Variants in AKR1A1 observed in about 807,000 individuals in gnomAD.
AKR1A1 encodes HEL-S-165mP.
In AKR1A1, 26 loss-of-function variants were observed where a neutral mutation model predicts 39.2. The observed-to-expected ratio is 0.66, with a 90% CI of 0.49 to 0.92. AKR1A1 has a LOEUF of 0.92. Ranked by LOEUF, AKR1A1 falls within the 40% of genes least tolerant of loss-of-function variation. The pLI is 0.00. For missense variants in AKR1A1, 378 were observed against 406.5 expected, an observed-to-expected ratio of 0.93 and a Z score of 0.60; for synonymous variants, 141 against 155.5, an observed-to-expected ratio of 0.91 and a Z score of 0.69.
rs1006434281 is a variant in AKR1A1 at position 45,563,680 on chromosome 1, T to A, written c.84+1802T>A. Among the ~76,000 whole-genome samples the A allele has an allele frequency of 9.2e-5, 14 of 152,070 alleles. No homozygotes were observed. In the East Asian group the frequency reaches 2.1e-3, roughly 23 times the overall value. ...GGTGCATGCCTGTAATCCCAGCTAC[T>A]CAGGAGTCTGAGGCAGGAGAATCAC... On this transcript the variant is annotated intron_variant, in intron 2 of 8. Transcript: ENST00000351829.
intron 1 of AKR1A1, among the ~76,000 whole-genome samples, chr1:45,556,276 C>T (rs1190542551): frequency 6.6e-6 from 1 of 152,178 alleles, no homozygotes; most frequent in Non-Finnish European, 1.5e-5. Context: ...CTCTCTTTTA[C>T]ACTTGAATAT....
intron 2 of AKR1A1, among the ~76,000 whole-genome samples, chr1:45,563,037 A>C (rs1171040232): frequency 6.6e-6 from 1 of 151,750 alleles, no homozygotes; most frequent in Non-Finnish European, 1.5e-5. Context: ...GGAGCCCTGG[A>C]AGTCGAGGCT....
intron 3 of AKR1A1, 56 bp from the exon 4 acceptor site, chr1:45,566,813 G>C (rs936678637): frequency 6.9e-6 from 11 of 1,599,844 alleles, no homozygotes; most frequent in African/African-American, 6.7e-5. Context: ...AGTTGAGGGT[G>C]GGTGAGACCA....
In AKR1A1 at chr1:45,566,606, A is replaced by G. The variant is rs757062859; in HGVS notation, c.122A>G (p.Tyr41Cys). The G allele has an allele frequency of 2.5e-6, 4 of 1,614,182 alleles. No homozygotes were observed. The East Asian group carries it at 8.9e-5, about 36-fold the overall frequency. ...GTTAAGTATGCCCTTAGCGTAGGCTACCGCCACATTGATTGTGCTGCTATC... is the reference window on the plus strand; with the variant it reads ...GTTAAGTATGCCCTTAGCGTAGGCTGCCGCCACATTGATTGTGCTGCTATC... ...AAVKYALSVG[Y>C]RHIDCAAIYG... The change falls in exon 3 of 9, where the codon TAC becomes TGC. Residue 41 changes from tyrosine to cysteine, a missense_variant. Coordinates refer to ENST00000351829, the MANE Select transcript of AKR1A1 (RefSeq NM_153326.3).
Position 45,569,188 on chromosome 1 carries a change from G to T in AKR1A1, c.871G>T (p.Ala291Ser), listed in dbSNP as rs775468535. ...FSPEEMKQLN[A>S]LNKNWRYIVP... The stretch of plus-strand genomic sequence containing the variant: ...CCCAGAAGAGATGAAGCAGCTAAAT[G>T]CCCTGAACAAAAATTGGAGATATAT... The change falls in exon 8 of 9, where the codon GCC becomes TCC. Residue 291 changes from alanine (A) to serine (S), a missense_variant. Physicochemically the swap from Ala to Ser is moderately conservative, Grantham distance 99. Transcript: ENST00000351829. The T allele has an allele frequency of 6.2e-7, 1 of 1,614,146 alleles. No homozygotes were observed. Among genetic ancestry groups the T allele is most frequent in the South Asian group, 1.1e-5 (1 of 91,082 alleles).
At chr1:45,559,268 C>G (rs563416759) in intron 1 of AKR1A1, among the ~76,000 whole-genome samples, 35 of 152,302 alleles carry the variant, frequency 2.3e-4, no homozygotes, top group African/African-American at 8.2e-4. Flanking sequence ...TTGGAACATT[C>G]AATTTACTGA....
At chr1:45,552,835 TGA>T (rs1644148298) in intron 1 of AKR1A1, among the ~76,000 whole-genome samples, 1 of 151,834 alleles carries the variant, frequency 6.6e-6, no homozygotes, top group Non-Finnish European at 1.5e-5. Context: ...AAGTAAAGAG[TGA>T]TGGTCAGCTG....
chr1:45,568,823 G>T, intron 6 of AKR1A1, 104 bp from the exon 7 acceptor site: 2 of 1,523,100 alleles, frequency 1.3e-6, no homozygotes, highest in Non-Finnish European at 1.8e-6. Context: ...TCCCATTTCA[G>T]CAGGGCTCAG....
chr1:45,561,401 C>T (rs12759576), intron 1 of AKR1A1, among the ~76,000 whole-genome samples: 4 of 151,612 alleles, frequency 2.6e-5, no homozygotes, highest in African/African-American at 7.3e-5. Context: ...CCCCTCTTCC[C>T]GGCCCATGCT....
chr1:45,552,163 CCATT>C (rs962336832), intron 1 of AKR1A1, among the ~76,000 whole-genome samples: 2 of 151,170 alleles, frequency 1.3e-5, no homozygotes, highest in African/African-American at 4.9e-5. Context: ...AAGTAGCCAT[CCATT>C]TATTTATTTA....
intron 5 of AKR1A1, 32 bp from the exon 6 acceptor site, chr1:45,568,453 A>G: frequency 6.2e-7 from 1 of 1,611,974 alleles, no homozygotes; most frequent in South Asian, 1.1e-5. Flanking sequence ...GGGTGTCACC[A>G]CTTCATGGTG....
At chr1:45,554,980 C>G (rs1461061367) in intron 1 of AKR1A1, among the ~76,000 whole-genome samples, 1 of 152,108 alleles carries the variant, frequency 6.6e-6, no homozygotes, top group Non-Finnish European at 1.5e-5. Flanking sequence ...GCATGAGCCA[C>G]CACACGCAAC....
chr1:45,570,014 G>A lies in AKR1A1; in HGVS notation c.*58G>A, dbSNP rs1360437685. On this transcript the variant is annotated 3_prime_UTR_variant, in exon 9 of 9. Coordinates refer to ENST00000351829, the MANE Select transcript of AKR1A1 (RefSeq NM_153326.3). ...GCAGCTAATGAGGTCCTGCCACAAC[G>A]GAAAGAGGGAGTTAATAAAGCCATT... 3.0e-5 allele frequency: 45 copies of A among 1,507,862 alleles called. No homozygotes were observed. Among genetic ancestry groups the A allele is most frequent in the Middle Eastern group, 3.4e-4 (2 of 5,816 alleles). 93.4% of individuals were successfully genotyped at this position (1,507,862 alleles called of 1,614,324 possible).
chr1:45,559,014 T>C (rs1221411124), intron 1 of AKR1A1, among the ~76,000 whole-genome samples: 1 of 152,236 alleles, frequency 6.6e-6, no homozygotes, highest in Non-Finnish European at 1.5e-5. Context: ...TCTCTCCTTT[T>C]CTTTCACTTG....
intron 1 of AKR1A1, among the ~76,000 whole-genome samples, chr1:45,558,732 C>T (rs1644240265): frequency 6.6e-6 from 1 of 152,110 alleles, no homozygotes; most frequent in Non-Finnish European, 1.5e-5. Context: ...TGGGGTTTCG[C>T]CATGTTGGCC....
chr1:45,555,388 GA>G (rs1318837000), intron 1 of AKR1A1, among the ~76,000 whole-genome samples: 4 of 152,104 alleles, frequency 2.6e-5, no homozygotes, highest in African/African-American at 9.7e-5. Context: ...TCGGGAGTCT[GA>G]GGCAGGAGAA....
intron 2 of AKR1A1, among the ~76,000 whole-genome samples, chr1:45,564,796 T>A (rs1487128720): frequency 1.3e-5 from 2 of 151,592 alleles, no homozygotes; most frequent in East Asian, 3.8e-4. Flanking sequence ...TTTTTGAAAA[T>A]TTTTAAATTT....
Position 45,568,569 on chromosome 1 carries a change from T to C in AKR1A1, c.637T>C (p.Leu213=). The C allele has an allele frequency of 6.2e-7, 1 of 1,613,970 alleles. No homozygotes were observed. Among genetic ancestry groups the C allele is most frequent in the Non-Finnish European group, 8.5e-7 (1 of 1,179,964 alleles). Reference sequence around the variant, plus strand: ...CCTGGAGGTAACTGCTTATAGCCCTTTGGGCTCCTCTGATCGTGCATGGCG... The same window carrying C: ...CCTGGAGGTAACTGCTTATAGCCCTCTGGGCTCCTCTGATCGTGCATGGCG... The part of the protein sequence containing the change: ...RGLEVTAYSP[L]GSSDRAWRDP... The change falls in exon 6 of 9, where the codon TTG becomes CTG. Residue 213 remains leucine, a synonymous_variant. Transcript: ENST00000351829.
intron 1 of AKR1A1, among the ~76,000 whole-genome samples, chr1:45,552,829 A>G (rs1444849516): frequency 6.6e-6 from 1 of 152,180 alleles, no homozygotes; most frequent in African/African-American, 2.4e-5. Context: ...TGGTTTAAGT[A>G]AAGAGTGATG....
Sources: allele counts gnomAD v4.1 joint callset (sites outside exome capture counted in the v4.1 genomes callset), GRCh38; gene constraint gnomAD v4.1.1; transcripts MANE v1.5; gene names NCBI Gene and HGNC (gene_info 2026-07-23, HGNC 2026-07-21).